The following RAD52 variants were observed in gnomAD, a reference collection of about 807,000 sequenced individuals.
RAD52 encodes DNA repair protein RAD52 homolog.
RAD52 carries 47 observed loss-of-function variants against 55.5 expected under a neutral mutation model. That is an observed-to-expected ratio of 0.85 (90% CI 0.67 to 1.08). RAD52 has a LOEUF of 1.08. Among genes scored for constraint, RAD52 ranks in the 50% least tolerant of loss-of-function variants. RAD52 has a pLI of 0.00. For missense variants in RAD52, 468 were observed against 522.8 expected, an observed-to-expected ratio of 0.90 and a Z score of 1.02; for synonymous variants, 184 against 198.9, an observed-to-expected ratio of 0.92 and a Z score of 0.63.
In RAD52 at chr12:930,054, C is replaced by A; in HGVS notation, c.277G>T (p.Val93Leu). The A allele has an allele frequency of 3.7e-6, 6 of 1,613,206 alleles. No individual in the cohort carries two copies. The highest frequency in any genetic ancestry group is 5.1e-6 in the Non-Finnish European group (6 of 1,179,136). Residue 93 changes from valine (V) to leucine (L), a missense_variant, in exon 4 of 12, where the codon GTG (valine) becomes TTG (leucine). By Grantham distance (32) the Val-to-Leu change is conservative. Coordinates refer to ENST00000358495, the MANE Select transcript of RAD52 (RefSeq NM_134424.4). ...GWAHSITQQNVDFVDLNNGKF... is the reference protein window; with the variant it reads ...GWAHSITQQNLDFVDLNNGKF... ...CACTGCTGGAGAGCATACTCACCCA[C>A]ATTCTGCTGCGTGATGGAGTGTGCC...
At chr12:962,599 G>A (rs766719460) in intron 1 of RAD52, among the ~76,000 whole-genome samples, 74 of 151,744 alleles carry the variant, frequency 4.9e-4, no homozygotes, top group Non-Finnish European at 7.7e-4. Context: ...CACCCGCCTC[G>A]GCCTCCCAAA....
At chr12:923,817 G>A (rs903358121) in intron 7 of RAD52, among the ~76,000 whole-genome samples, 9 of 151,850 alleles carry the variant, frequency 5.9e-5, no homozygotes, top group Admixed American at 3.3e-4. Context: ...CAAAACTTTC[G>A]GAGGCCGAGG....
At chr12:925,060 C>T (rs1286177468) in intron 7 of RAD52, among the ~76,000 whole-genome samples, 2 of 151,582 alleles carry the variant, frequency 1.3e-5, no homozygotes, top group Non-Finnish European at 2.9e-5. Flanking sequence ...ACGCCATTCT[C>T]CTGCCTCAGC....
upstream of RAD52, among the ~76,000 whole-genome samples, chr12:950,598 C>T (rs993079176): frequency 6.8e-6 from 1 of 147,912 alleles, no homozygotes; most frequent in African/African-American, 2.5e-5. Context: ...GTTTTTGTAG[C>T]GACAGGGTCT....
chr12:912,730 A>AAAAAC lies in RAD52; in HGVS notation c.*660_*661insGTTTT, dbSNP rs1956157752. ...ACAGCCAGACCCCGTCTCAAAAAAAAAAAAAAAAAAAAAAACAAAAAACAG... is the reference window on the plus strand; with the variant it reads ...ACAGCCAGACCCCGTCTCAAAAAAAAAAAACAAAAAAAAAAAAAAACAAAAAACAG... On this transcript the variant is annotated 3_prime_UTR_variant, in exon 12 of 12. Coordinates refer to ENST00000358495, the MANE Select transcript of RAD52 (RefSeq NM_134424.4). 1.4e-5 allele frequency: 2 copies of AAAAAC among 147,786 alleles called. No homozygotes were observed. The highest frequency in any genetic ancestry group is 2.9e-5 in the Non-Finnish European group (2 of 68,304). 9.2% of individuals were successfully genotyped at this position (147,786 alleles called of 1,614,324 possible). A position where few individuals can be genotyped will look rare whatever the true frequency, so the allele number is the denominator to read the frequency against.
chr12:942,726 C>T (rs1429541490), intron 1 of RAD52, among the ~76,000 whole-genome samples: 2 of 149,188 alleles, frequency 1.3e-5, no homozygotes, highest in African/African-American at 5.0e-5. Context: ...CCAGCCTGGA[C>T]GACAGAGCAA....
chr12:957,135 A>G (rs1958617187), intron 1 of RAD52, among the ~76,000 whole-genome samples: 1 of 152,132 alleles, frequency 6.6e-6, no homozygotes, highest in Non-Finnish European at 1.5e-5. Context: ...ATAAGAAAAG[A>G]AGGAAATAAA....
At chr12:923,302 G>T (rs545143204) in intron 7 of RAD52, among the ~76,000 whole-genome samples, 3 of 151,924 alleles carry the variant, frequency 2.0e-5, no homozygotes, top group Non-Finnish European at 4.4e-5. Context: ...CGCTTTGGGA[G>T]GCCGAGGCAG....
intron 1 of RAD52, among the ~76,000 whole-genome samples, chr12:938,750 A>G (rs1189497192): frequency 6.6e-6 from 1 of 152,204 alleles, no homozygotes; most frequent in African/African-American, 2.4e-5. Flanking sequence ...GTGATCTTCA[A>G]TGAAATTTCG....
intron 1 of RAD52, among the ~76,000 whole-genome samples, chr12:957,570 G>C (rs1958625415): frequency 2.0e-5 from 3 of 150,920 alleles, no homozygotes; most frequent in East Asian, 3.9e-4. Context: ...TCAATCACTT[G>C]AGTCCAGGAG....
chr12:977,652 G>A (rs958496839), intron 1 of RAD52, among the ~76,000 whole-genome samples: 3 of 152,220 alleles, frequency 2.0e-5, no homozygotes, highest in African/African-American at 7.2e-5. Flanking sequence ...AACAACACCA[G>A]TAGGTAACGG....
At chr12:972,215 C>A (rs1002423126) in intron 1 of RAD52, among the ~76,000 whole-genome samples, 1 of 152,136 alleles carries the variant, frequency 6.6e-6, no homozygotes, top group Non-Finnish European at 1.5e-5. Flanking sequence ...AGAAAGTCTT[C>A]TCTCATGGAA....
chr12:931,493 A>G (rs937301531), intron 2 of RAD52, among the ~76,000 whole-genome samples, 172 bp from the exon 3 acceptor site: 13 of 152,196 alleles, frequency 8.5e-5, no homozygotes, highest in African/African-American at 2.9e-4. Flanking sequence ...TAAGGCATGC[A>G]TGCCATTAGG....
chr12:990,954 T>TGTGTGTGTGTGTGTGC (rs1959181080), upstream of RAD52: 1 of 141,728 alleles, frequency 7.1e-6, no homozygotes, highest in Non-Finnish European at 1.5e-5. Context: ...TGTGTGTGAG[T>TGTGTGTGTGTGTGTGC]GTGTGTGTGT....
intron 1 of RAD52, among the ~76,000 whole-genome samples, chr12:940,507 G>T (rs1957865945): frequency 6.6e-6 from 1 of 152,100 alleles, no homozygotes; most frequent in Non-Finnish European, 1.5e-5. Context: ...TGAGGCAGGA[G>T]AATTGCTTGA....
intron 1 of RAD52, among the ~76,000 whole-genome samples, chr12:946,151 C>G (rs1173914030): frequency 6.6e-6 from 1 of 152,166 alleles, no homozygotes; most frequent in Non-Finnish European, 1.5e-5. Context: ...CCCCAACACT[C>G]AGCACAGTCC....
chr12:913,770 C>T (rs1210447946), intron 11 of RAD52, 124 bp downstream of exon 11: 2 of 893,556 alleles, frequency 2.2e-6, no homozygotes, highest in South Asian at 1.6e-5. Flanking sequence ...CTTGCAGTAC[C>T]ATTCCCTAAT....
intron 1 of RAD52, among the ~76,000 whole-genome samples, chr12:942,320 A>G (rs1592425107): frequency 1.3e-5 from 2 of 152,244 alleles, no homozygotes; most frequent in Admixed American, 6.5e-5. Context: ...CCAAAACGCA[A>G]TACAATAGCA....
At chr12:983,949 G>T (rs1349351801) in intron 1 of RAD52, among the ~76,000 whole-genome samples, 1 of 152,136 alleles carries the variant, frequency 6.6e-6, no homozygotes, top group Non-Finnish European at 1.5e-5. Context: ...CAGTGTAATG[G>T]ATGCACATAA....
Sources: allele counts gnomAD v4.1 joint callset (sites outside exome capture counted in the v4.1 genomes callset), GRCh38; gene constraint gnomAD v4.1.1; transcripts MANE v1.5; gene names NCBI Gene and HGNC (gene_info 2026-07-23, HGNC 2026-07-21).